Variants in ATP6V0D1 observed in about 807,000 individuals in gnomAD.
ATP6V0D1 encodes the protein ATPase H+ transporting V0 subunit d1, also known as V-type proton ATPase subunit d 1.
ATP6V0D1 carries 13 observed loss-of-function variants against 39.0 expected under a neutral mutation model. The ratio of observed to expected loss-of-function variants is 0.33; its 90% CI spans 0.22 to 0.53. The LOEUF (loss-of-function observed/expected upper bound fraction) is 0.53, where lower values mean the gene tolerates loss of function less well. ATP6V0D1 is among the 20% of genes least tolerant of loss of function. The pLI is 0.94. For synonymous variants in ATP6V0D1, 191 were observed against 191.2 expected (o/e 1.00, Z 0.01); for missense variants, 272 against 470.9 (o/e 0.58, Z 3.91).
intron 2 of ATP6V0D1, among the ~76,000 whole-genome samples, chr16:67,450,976 G>A (rs2041173226): frequency 6.6e-6 from 1 of 152,138 alleles, no homozygotes; most frequent in Non-Finnish European, 1.5e-5. Context: ...TGGGCCACCT[G>A]CCCAAGAGGA....
rs2041240264 is a variant in ATP6V0D1 at position 67,456,621 on chromosome 16, T to A, written c.131-2906A>T. On this transcript the variant is annotated intron_variant, in intron 1 of 7. Coordinates refer to ENST00000290949, the MANE Select transcript of ATP6V0D1 (RefSeq NM_004691.5). This position sits in a 1 kb window ranked among gnomAD's most constrained non-coding sequence, Gnocchi z 4.1. ...CTGCCAGACCAAACCTGTCTGCTTA[T>A]TCACACAGCCACTGCAGCCAGCCAA... 6.6e-6 allele frequency: 1 copy of A among 152,266 alleles called. No homozygotes were observed. 9.4% of individuals were successfully genotyped at this position (152,266 alleles called of 1,614,324 possible).
At chr16:67,441,045 C>T (rs2041044511) in intron 4 of ATP6V0D1, 1 of 152,322 alleles carries the variant, frequency 6.6e-6, no homozygotes, top group Non-Finnish European at 1.5e-5. Context: ...TGTGGGGGAA[C>T]CAACCAACCA....
At chr16:67,471,930 C>A (rs1366466835) in intron 1 of ATP6V0D1, among the ~76,000 whole-genome samples, 5 of 152,166 alleles carry the variant, frequency 3.3e-5, no homozygotes, top group Admixed American at 3.3e-4. Context: ...GCGTTAGCCA[C>A]CACACCAGGC....
At chr16:67,448,466 C>G (rs911971792) in intron 2 of ATP6V0D1, among the ~76,000 whole-genome samples, 13 of 151,952 alleles carry the variant, frequency 8.6e-5, no homozygotes, top group Middle Eastern at 3.4e-3. Context: ...TTGAGACCAC[C>G]CTGGCCAACA....
At chr16:67,441,498 C>T (rs2041050978) in intron 4 of ATP6V0D1, 1 of 152,312 alleles carries the variant, frequency 6.6e-6, no homozygotes. Context: ...ACAGCCGCAC[C>T]CCTCACCCTG....
chr16:67,452,327 TGG>T lies in ATP6V0D1; in HGVS notation c.302+1215_302+1216del, dbSNP rs748264609. ...TGCTTCCTAGCTTGGGCATGTTCCC[TGG>T]CCCTTCAGGTGTCCCAGCCTCTGAC... On this transcript the variant is annotated intron_variant, in intron 2 of 7. Coordinates refer to ENST00000290949, the MANE Select transcript of ATP6V0D1 (RefSeq NM_004691.5). 2.4e-5 allele frequency: 37 copies of T among 1,535,624 alleles called. No individual in the cohort carries two copies. The African/African-American group carries it at 4.9e-4, about 20-fold the overall frequency.
At chr16:67,477,686 T>C (rs1023077368) in intron 1 of ATP6V0D1, among the ~76,000 whole-genome samples, 12 of 152,204 alleles carry the variant, frequency 7.9e-5, no homozygotes, top group Non-Finnish European at 1.5e-4. Context: ...TTTTTTTTTT[T>C]TCTTTATACG....
In ATP6V0D1 at chr16:67,464,509, T is replaced by C. The variant is rs111417030; in HGVS notation, c.131-10794A>G. On this transcript the variant is annotated intron_variant, in intron 1 of 7. Coordinates refer to ENST00000290949, the MANE Select transcript of ATP6V0D1 (RefSeq NM_004691.5). The stretch of plus-strand genomic sequence containing the variant: ...CTAGCCTCGTCAGGCCCAGACCACA[T>C]TGACTCCCTGCAACCCAGCCCCTGA... Among the ~76,000 whole-genome samples, 512 of 152,266 alleles carry C rather than the reference T, an allele frequency of 3.4e-3. 9 individuals are homozygous for C. The highest frequency in any genetic ancestry group is 0.011 in the African/African-American group (477 of 41,564).
At chr16:67,454,621 C>T (rs897435047) in intron 1 of ATP6V0D1, 1 of 151,760 alleles carries the variant, frequency 6.6e-6, no homozygotes, top group African/African-American at 2.4e-5. Flanking sequence ...ACTTGAACTC[C>T]TAGTCTCAAG....
At position 67,467,883 on chromosome 16, in the gene ATP6V0D1, G is replaced by C. The variant is rs1173169330; in HGVS notation, c.130+13074C>G. 2.6e-5 allele frequency among the ~76,000 whole-genome samples: 4 copies of C among 152,194 alleles called. No homozygotes were observed. In the East Asian group the frequency reaches 7.7e-4, roughly 29 times the overall value. ...GCTCAAAGCCCAAGAGCAGCTACAG[G>C]TTGGGAAGGGGACCCTGGTGCTATA... On this transcript the variant is annotated intron_variant, in intron 1 of 7. Transcript: ENST00000290949.
chr16:67,465,677 G>T (rs1468339199), intron 1 of ATP6V0D1, among the ~76,000 whole-genome samples: 1 of 152,238 alleles, frequency 6.6e-6, no homozygotes. Context: ...GCCTGCACTG[G>T]GCACCAAGGC....
intron 2 of ATP6V0D1, among the ~76,000 whole-genome samples, chr16:67,450,383 GGGGA>G (rs2041164987): frequency 6.6e-6 from 1 of 152,202 alleles, no homozygotes; most frequent in Non-Finnish European, 1.5e-5. Context: ...CCCCAGCCTG[GGGGA>G]GCTCAGGCCT....
intron 4 of ATP6V0D1, among the ~76,000 whole-genome samples, chr16:67,442,597 G>C (rs1440205235): frequency 2.6e-5 from 4 of 152,148 alleles, no homozygotes; most frequent in Admixed American, 2.6e-4. Context: ...GGCAAGAGGT[G>C]GGCAGGGGAT....
intron 1 of ATP6V0D1, among the ~76,000 whole-genome samples, chr16:67,472,826 C>T (rs1017265504): frequency 2.6e-5 from 4 of 151,988 alleles, no homozygotes; most frequent in South Asian, 2.1e-4. Flanking sequence ...GCCAAGATCG[C>T]GCCACTGCAC....
At chr16:67,438,756 T>C (rs768976563) in intron 7 of ATP6V0D1, 37 bp downstream of exon 7, 3 of 1,614,126 alleles carry the variant, frequency 1.9e-6, no homozygotes, top group Non-Finnish European at 2.5e-6. Flanking sequence ...AACCACCAGG[T>C]TGGCCTCCCT....
intron 1 of ATP6V0D1, among the ~76,000 whole-genome samples, chr16:67,459,569 T>C (rs2041272769): frequency 6.6e-6 from 1 of 152,250 alleles, no homozygotes; most frequent in Non-Finnish European, 1.5e-5. Flanking sequence ...CAGTGCTTTC[T>C]GCTCTCTGTG....
At chr16:67,450,653 C>T (rs140230744) in intron 2 of ATP6V0D1, among the ~76,000 whole-genome samples, 3,764 of 152,014 alleles carry the variant, frequency 0.025, 63 homozygotes, top group Non-Finnish European at 0.035. Context: ...GTTGAAAGCT[C>T]GAGGGATGAG....
chr16:67,462,886 C>T (rs1017127192), intron 1 of ATP6V0D1, among the ~76,000 whole-genome samples: 1 of 151,974 alleles, frequency 6.6e-6, no homozygotes, highest in Non-Finnish European at 1.5e-5. Flanking sequence ...TGCTGGCCTG[C>T]ACCACCTGAG....
chr16:67,442,556 G>T (rs1315820272), intron 4 of ATP6V0D1, among the ~76,000 whole-genome samples: 1 of 151,962 alleles, frequency 6.6e-6, no homozygotes, highest in African/African-American at 2.4e-5. Context: ...ATCCTCAGGG[G>T]TTGCCCAGTC....
Sources: gnomAD v4.1 joint callset for allele counts (sites outside exome capture counted in the v4.1 genomes callset) on GRCh38, gnomAD v4.1.1 for gene constraint, Gnocchi (gnomAD v3.1) non-coding constraint, MANE v1.5 for transcripts, NCBI Gene and HGNC (gene_info 2026-07-23, HGNC 2026-07-21) for gene names.